Variants in SEC14L1 observed in about 807,000 individuals in gnomAD.
SEC14L1 encodes SEC14 like lipid binding 1.
SEC14L1 carries 48 observed loss-of-function variants against 85.3 expected under a neutral mutation model. That is an observed-to-expected ratio of 0.56 (90% confidence interval 0.45 to 0.72). SEC14L1 has a LOEUF of 0.72. SEC14L1 is among the 30% of genes least tolerant of loss of function. The pLI, the probability that SEC14L1 is intolerant of heterozygous loss-of-function variation, is 0.00. For missense variants in SEC14L1, 682 were observed against 921.4 expected (o/e 0.74, Z 3.36); for synonymous variants, 391 against 355.5 (o/e 1.10, Z -1.12).
chr17:77,182,477 T>A (rs1318950329), intron 3 of SEC14L1, among the ~76,000 whole-genome samples: 1 of 152,204 alleles, frequency 6.6e-6, no homozygotes, highest in Non-Finnish European at 1.5e-5. Context: ...GCCCTAGTTT[T>A]GTTTTTATTA....
chr17:77,149,574 C>T (rs1973464094), intron 3 of SEC14L1, among the ~76,000 whole-genome samples: 1 of 152,034 alleles, frequency 6.6e-6, no homozygotes, highest in African/African-American at 2.4e-5. Flanking sequence ...TGGTGTGTGC[C>T]TATAGTCCTA....
chr17:77,162,563 T>C (rs1974111766), intron 3 of SEC14L1, among the ~76,000 whole-genome samples: 1 of 152,084 alleles, frequency 6.6e-6, no homozygotes, highest in African/African-American at 2.4e-5. Context: ...CCAGGTGCGG[T>C]GGCTCACACC....
chr17:77,163,542 C>G (rs775385804), intron 3 of SEC14L1, among the ~76,000 whole-genome samples: 2 of 152,288 alleles, frequency 1.3e-5, no homozygotes, highest in Non-Finnish European at 2.9e-5. Flanking sequence ...TTACCAGAGT[C>G]AAACTTGTTG....
At chr17:77,100,710 T>G (rs1469535320) in intron 3 of SEC14L1, among the ~76,000 whole-genome samples, 4 of 152,108 alleles carry the variant, frequency 2.6e-5, no homozygotes, top group African/African-American at 9.7e-5. Context: ...GTGCTGGGAT[T>G]ACAGGAGTGA....
At chr17:77,183,288 G>C (rs972318119) in intron 3 of SEC14L1, among the ~76,000 whole-genome samples, 6 of 152,210 alleles carry the variant, frequency 3.9e-5, no homozygotes, top group African/African-American at 1.4e-4. Context: ...GAAAAGTACT[G>C]TGAACACCTG....
chr17:77,109,304 A>T (rs1299353380), intron 3 of SEC14L1, among the ~76,000 whole-genome samples: 2 of 151,876 alleles, frequency 1.3e-5, no homozygotes, highest in African/African-American at 4.8e-5. Context: ...ATATCTTGCT[A>T]TGTTGCCCAG....
chr17:77,090,492 G>GT (rs1232982659), intron 2 of SEC14L1, among the ~76,000 whole-genome samples: 1 of 121,562 alleles, frequency 8.2e-6, no homozygotes, highest in Non-Finnish European at 1.7e-5. Context: ...TCATTTCTAT[G>GT]TTTTTTAATT....
chr17:77,194,547 G>A, intron 6 of SEC14L1, 130 bp from the exon 7 acceptor site: 2 of 685,122 alleles, frequency 2.9e-6, no homozygotes, highest in South Asian at 3.9e-5. Flanking sequence ...GCGAGACCCT[G>A]TCTCAAAAAA....
intron 3 of SEC14L1, among the ~76,000 whole-genome samples, chr17:77,100,331 CTGCAGTGTG>C (rs1289413643): frequency 6.6e-6 from 1 of 151,170 alleles, no homozygotes; most frequent in East Asian, 2.0e-4. Context: ...CCGCCCTGCG[CTGCAGTGTG>C]TGCATTCTGT....
intron 14 of SEC14L1, 57 bp downstream of exon 14, chr17:77,209,533 C>T (rs1438131507): frequency 3.8e-6 from 6 of 1,569,850 alleles, no homozygotes; most frequent in Non-Finnish European, 5.2e-6. Context: ...AGGGCCTGGC[C>T]CTCGCAGGGC....
intron 3 of SEC14L1, among the ~76,000 whole-genome samples, chr17:77,133,275 G>C (rs566706909): frequency 3.3e-5 from 5 of 152,314 alleles, no homozygotes; most frequent in African/African-American, 1.2e-4. Flanking sequence ...ATTTTGCTAA[G>C]AGCAATGGAG....
At chr17:77,119,698 C>T (rs1179688624) in intron 3 of SEC14L1, among the ~76,000 whole-genome samples, 2 of 152,166 alleles carry the variant, frequency 1.3e-5, no homozygotes, top group Non-Finnish European at 2.9e-5. Flanking sequence ...GAGAGGGCCC[C>T]AGGCTGGCTT....
chr17:77,204,990 C>T (rs1422417235), intron 10 of SEC14L1, among the ~76,000 whole-genome samples: 1 of 152,180 alleles, frequency 6.6e-6, no homozygotes, highest in African/African-American at 2.4e-5. Context: ...GAAGACAGAG[C>T]CCCAGAGCCA....
chr17:77,124,093 G>T (rs936117478), intron 3 of SEC14L1, among the ~76,000 whole-genome samples: 2 of 152,138 alleles, frequency 1.3e-5, no homozygotes, highest in South Asian at 4.1e-4. Flanking sequence ...GCCAGGGGTG[G>T]TGGCTCACAC....
intron 3 of SEC14L1, among the ~76,000 whole-genome samples, chr17:77,171,676 C>G (rs1382602263): frequency 6.6e-6 from 1 of 152,172 alleles, no homozygotes; most frequent in Non-Finnish European, 1.5e-5. Flanking sequence ...TAGTTCCTTC[C>G]TGGTTTTGCA....
At chr17:77,168,663 T>TG (rs1974395572) in intron 3 of SEC14L1, among the ~76,000 whole-genome samples, 1 of 152,214 alleles carries the variant, frequency 6.6e-6, no homozygotes, top group Non-Finnish European at 1.5e-5. Flanking sequence ...TTGTTAGGGC[T>TG]GAAAGTACAG....
At chr17:77,136,216 TTTTCTTTCTTTTCTC>T (rs1166744518), upstream of SEC14L1, among the ~76,000 whole-genome samples, 1 of 151,754 alleles carries the variant, frequency 6.6e-6, no homozygotes, top group East Asian at 1.9e-4. Context: ...TTTCTTTTTC[TTTTCTTTCTTTTCTC>T]TTTCCTTCCT....
chr17:77,167,723 C>A (rs959308312), intron 3 of SEC14L1, among the ~76,000 whole-genome samples: 4 of 152,120 alleles, frequency 2.6e-5, no homozygotes, highest in Non-Finnish European at 4.4e-5. Context: ...CACGGACACT[C>A]AAAGAGTGAG....
At chr17:77,162,268 A>G (rs1289332551) in intron 3 of SEC14L1, among the ~76,000 whole-genome samples, 1 of 152,230 alleles carries the variant, frequency 6.6e-6, no homozygotes, top group Admixed American at 6.5e-5. Flanking sequence ...GCGTTCAGTC[A>G]TAATCCCACA....
Sources: allele counts gnomAD v4.1 joint callset (sites outside exome capture counted in the v4.1 genomes callset), GRCh38; gene constraint gnomAD v4.1.1; transcripts MANE v1.5; gene names NCBI Gene and HGNC (gene_info 2026-07-23, HGNC 2026-07-21).